CSMD1: variants seen among roughly 807,000 people sequenced by gnomAD.
CSMD1 encodes the protein CUB and sushi domain-containing protein 1.
A neutral mutation model predicts 417.5 loss-of-function variants in CSMD1; 213 were observed. That is an observed-to-expected ratio of 0.51 (90% confidence interval 0.46 to 0.57). The LOEUF (loss-of-function observed/expected upper bound fraction) is 0.57. Among genes scored for constraint, CSMD1 ranks in the 20% least tolerant of loss-of-function variants. The pLI is 0.00. For synonymous variants in CSMD1, 2,862 were observed against 1,736.8 expected, an observed-to-expected ratio of 1.65 and a Z score of -16.11; for missense variants, 6,923 against 4,529.7, an observed-to-expected ratio of 1.53 and a Z score of -15.17.
At chr8:3,541,832 A>T (rs1476741835) in intron 10 of CSMD1, among the ~76,000 whole-genome samples, 1 of 151,862 alleles carries the variant, frequency 6.6e-6, no homozygotes, top group African/African-American at 2.4e-5. Context: ...TTGCACCTGC[A>T]ATTCCAACAC....
intron 25 of CSMD1, among the ~76,000 whole-genome samples, chr8:3,295,949 T>A (rs1332835963): frequency 6.6e-6 from 1 of 152,102 alleles, no homozygotes; most frequent in African/African-American, 2.4e-5. Flanking sequence ...ATCTGCCAAG[T>A]TGAGTCCTGC....
chr8:4,138,044 A>ATTTTTTTTTTTTTT (rs55993904), intron 3 of CSMD1, among the ~76,000 whole-genome samples: 1 of 62,696 alleles, frequency 1.6e-5, no homozygotes, highest in African/African-American at 6.3e-5. Context: ...TGCCCGGCTA[A>ATTTTTTTTTTTTTT]TTTTTTTTTT....
chr8:3,699,674 T>C (rs1800740056), intron 7 of CSMD1, among the ~76,000 whole-genome samples: 1 of 152,210 alleles, frequency 6.6e-6, no homozygotes, highest in Non-Finnish European at 1.5e-5. Context: ...TTACTGGTGA[T>C]CTGAAACACT....
intron 1 of CSMD1, among the ~76,000 whole-genome samples, chr8:4,817,207 T>A (rs1228066866): frequency 6.6e-6 from 1 of 152,200 alleles, no homozygotes; most frequent in Non-Finnish European, 1.5e-5. Flanking sequence ...TGCTCCTATA[T>A]GTATATGATT....
intron 19 of CSMD1, among the ~76,000 whole-genome samples, chr8:3,368,604 G>T (rs1809753980): frequency 6.6e-6 from 1 of 152,212 alleles, no homozygotes; most frequent in South Asian, 2.1e-4. Context: ...CTCCCGAACT[G>T]CTGGGATTAC....
intron 12 of CSMD1, among the ~76,000 whole-genome samples, chr8:3,450,809 T>C (rs1215722703): frequency 1.3e-5 from 2 of 151,972 alleles, no homozygotes; most frequent in Non-Finnish European, 2.9e-5. Context: ...GCATGATTTA[T>C]AATCCTTTGG....
chr8:4,484,799 C>G (rs1392274778), intron 2 of CSMD1, among the ~76,000 whole-genome samples: 2 of 151,728 alleles, frequency 1.3e-5, no homozygotes, highest in Non-Finnish European at 2.9e-5. Context: ...GAAACCCCGT[C>G]TCTACTAAAA....
At chr8:3,273,636 C>T (rs1348236097) in intron 26 of CSMD1, among the ~76,000 whole-genome samples, 1 of 152,158 alleles carries the variant, frequency 6.6e-6, no homozygotes, top group African/African-American at 2.4e-5. Context: ...TTCAGAGATT[C>T]AACTTCTTCC....
intron 2 of CSMD1, among the ~76,000 whole-genome samples, chr8:4,425,108 C>A (rs547990761): frequency 6.6e-6 from 1 of 151,792 alleles, no homozygotes; most frequent in Admixed American, 6.6e-5. Context: ...AAGTTAGGTA[C>A]AAAATAATGT....
chr8:3,299,389 T>G (rs1804214082), intron 25 of CSMD1, among the ~76,000 whole-genome samples: 1 of 151,806 alleles, frequency 6.6e-6, no homozygotes, highest in African/African-American at 2.4e-5. Context: ...GAGGTGGAGG[T>G]TGCAGTGAGC....
At chr8:3,788,433 G>A (rs541037986) in intron 5 of CSMD1, among the ~76,000 whole-genome samples, 5 of 152,134 alleles carry the variant, frequency 3.3e-5, no homozygotes, top group Non-Finnish European at 4.4e-5. Context: ...CCCAACAGAA[G>A]AACCAGCTGA....
In CSMD1 at chr8:4,638,132, T is replaced by C. The variant is rs541695851; in HGVS notation, c.86-574A>G. ...TAGGGAAGTTCTTTATCCTGTCACT[T>C]TAAAATACAGCCTCATCAATATCAA... is the stretch of plus-strand genomic sequence containing the variant. On this transcript the variant is annotated intron_variant, in intron 1 of 69. Coordinates refer to ENST00000635120, the MANE Select transcript of CSMD1 (RefSeq NM_033225.6). 1.4e-4 allele frequency among the ~76,000 whole-genome samples: 22 copies of C among 152,300 alleles called. No homozygotes were observed. In the South Asian group the frequency reaches 2.9e-3, roughly 20 times the overall value.
intron 50 of CSMD1, among the ~76,000 whole-genome samples, chr8:3,044,940 C>G (rs1234674842): frequency 6.6e-6 from 1 of 152,060 alleles, no homozygotes; most frequent in Non-Finnish European, 1.5e-5. Flanking sequence ...TAATGGTAAC[C>G]AAATTTTTCT....
chr8:3,563,065 G>C (rs375410417), intron 10 of CSMD1, among the ~76,000 whole-genome samples: 1 of 151,804 alleles, frequency 6.6e-6, no homozygotes, highest in East Asian at 1.9e-4. Flanking sequence ...TCATGATCTG[G>C]GTGGGAGGAA....
intron 1 of CSMD1, among the ~76,000 whole-genome samples, chr8:4,881,775 A>T (rs1249362101): frequency 6.6e-6 from 1 of 152,068 alleles, no homozygotes; most frequent in Non-Finnish European, 1.5e-5. Context: ...ATTGTACAGC[A>T]TTTTATTCAC....
intron 1 of CSMD1, among the ~76,000 whole-genome samples, chr8:4,663,001 T>C (rs1366036780): frequency 6.6e-6 from 1 of 152,244 alleles, no homozygotes; most frequent in Non-Finnish European, 1.5e-5. Context: ...AGAAGGCTTT[T>C]GTTTTGTTTT....
intron 54 of CSMD1, among the ~76,000 whole-genome samples, chr8:2,984,918 G>C (rs150505006): frequency 2.6e-5 from 4 of 152,140 alleles, no homozygotes; most frequent in Non-Finnish European, 5.9e-5. Context: ...CTGGACAAGA[G>C]GTTTACATAC....
chr8:4,065,707 C>A (rs377042791), intron 3 of CSMD1, among the ~76,000 whole-genome samples: 131 of 152,322 alleles, frequency 8.6e-4, no homozygotes, highest in African/African-American at 3.0e-3. Context: ...CCACATGTAT[C>A]TGTGCTAGGT....
chr8:3,313,327 C>G (rs546917689), intron 23 of CSMD1, among the ~76,000 whole-genome samples: 3 of 152,254 alleles, frequency 2.0e-5, no homozygotes, highest in African/African-American at 4.8e-5. Flanking sequence ...TCAGAGTGAA[C>G]AGGCAACATA....
Sources: gnomAD v4.1 joint callset for allele counts (sites outside exome capture counted in the v4.1 genomes callset) on GRCh38, gnomAD v4.1.1 for gene constraint, MANE v1.5 for transcripts, NCBI Gene and HGNC (gene_info 2026-07-23, HGNC 2026-07-21) for gene names.